The following PYGB variants were observed in gnomAD, a reference collection of about 807,000 sequenced individuals.
The protein encoded by PYGB is glycogen phosphorylase B.
A neutral mutation model predicts 94.3 loss-of-function variants in PYGB; 82 were observed. That is an observed-to-expected ratio of 0.87 (90% CI 0.73 to 1.04). The LOEUF (loss-of-function observed/expected upper bound fraction) is 1.04, where lower values mean the gene tolerates loss of function less well. Ranked by LOEUF, PYGB falls within the 50% of genes least tolerant of loss-of-function variation. The pLI is 0.00. For missense variants in PYGB, 1,132 were observed against 1,158.2 expected, an observed-to-expected ratio of 0.98 and a Z score of 0.33; for synonymous variants, 488 against 479.1, an observed-to-expected ratio of 1.02 and a Z score of -0.24.
chr20:25,264,719 G>A lies in PYGB; in HGVS notation c.346-4410G>A, dbSNP rs554864415. On this transcript the variant is annotated intron_variant, in intron 2 of 19. Transcript: ENST00000216962. ...AAATACCTAGGAATCCAACTTACAA[G>A]GGATGTGAAGGACCTCTTCAAGGAG... Among the ~76,000 whole-genome samples the A allele has an allele frequency of 9.9e-5, 15 of 152,238 alleles. No homozygotes were observed. In the South Asian group the frequency reaches 1.0e-3, roughly 11 times the overall value.
chr20:25,258,044 CG>C (rs1568683449), intron 1 of PYGB, among the ~76,000 whole-genome samples: 1 of 151,956 alleles, frequency 6.6e-6, no homozygotes, highest in African/African-American at 2.4e-5. Context: ...ATTCCTGTGA[CG>C]TAAAGGACTT....
chr20:25,279,668 T>C (rs1441059257), intron 9 of PYGB, among the ~76,000 whole-genome samples: 1 of 151,838 alleles, frequency 6.6e-6, no homozygotes, highest in Non-Finnish European at 1.5e-5. Flanking sequence ...GAGACCAGCC[T>C]GGGCAATACA....
At chr20:25,249,889 C>T (rs1369256204) in intron 1 of PYGB, among the ~76,000 whole-genome samples, 1 of 150,314 alleles carries the variant, frequency 6.7e-6, no homozygotes, top group African/African-American at 2.5e-5. Flanking sequence ...TGCCCTGTAG[C>T]GTGAAGCTAG....
rs770376445 is a variant in PYGB at position 25,292,522 on chromosome 20, G to A, written c.2086G>A (p.Ala696Thr). 1.5e-5 allele frequency: 25 copies of A among 1,613,456 alleles called. No homozygotes were observed. Among genetic ancestry groups the A allele is most frequent in the Admixed American group, 1.5e-4 (9 of 60,012 alleles). The change falls in exon 17 of 20, where the codon GCC (alanine) becomes ACC (threonine). Residue 696 changes from alanine (A) to threonine (T), a missense_variant. Ala to Thr is a moderately conservative substitution (Grantham distance 58, BLOSUM62 0). Transcript: ENST00000216962. ...GALTIGTMDG[A>T]NVEMAEEAGA... is the part of the protein sequence containing the mutation. ...CCTCACCATCGGCACCATGGACGGCGCCAACGTGGAGATGGCCGAGGAGGC... is the reference window on the plus strand; with the variant it reads ...CCTCACCATCGGCACCATGGACGGCACCAACGTGGAGATGGCCGAGGAGGC...
At chr20:25,271,261 A>G (rs2088264398) in intron 3 of PYGB, 122 bp from the exon 4 acceptor site, 18 of 864,594 alleles carry the variant, frequency 2.1e-5, no homozygotes, top group Non-Finnish European at 2.8e-5. Flanking sequence ...TTTTCCTCTC[A>G]GTGAAGCCTG....
At chr20:25,295,502 C>G in intron 18 of PYGB, 102 bp from the exon 19 acceptor site, 1 of 1,349,762 alleles carries the variant, frequency 7.4e-7, no homozygotes, top group South Asian at 1.2e-5. Context: ...CAGACAGGAC[C>G]AGGTGGATGG....
rs377025742 is a variant in PYGB at position 25,290,607 on chromosome 20, T to C, written c.1954T>C (p.Ser652Pro). The C allele has an allele frequency of 1.1e-5, 18 of 1,599,484 alleles. No homozygotes were observed. The highest frequency in any genetic ancestry group is 7.7e-6 in the Non-Finnish European group (9 of 1,167,676). The change falls in exon 16 of 20, where the codon TCC becomes CCC. Residue 652 changes from serine to proline, a missense_variant. By Grantham distance (74) the Ser-to-Pro change is moderately conservative. Transcript: ENST00000216962. ...KVIFLENYRV[S>P]LAEKVIPAAD... is the part of the protein sequence containing the mutation. ...GATCTTCCTGGAGAACTACCGTGTG[T>C]CCTTGGCTGAGAAAGGTAACCCTGG...
In PYGB at chr20:25,288,333, G is replaced by A. The variant is rs759281353; in HGVS notation, c.1769-92G>A. ...GTACATGGCGGAGCGTGCCTGTCCTGCCTCAGGGTCGGCCTCTGATGCTGC... is the reference window on the plus strand; with the variant it reads ...GTACATGGCGGAGCGTGCCTGTCCTACCTCAGGGTCGGCCTCTGATGCTGC... On this transcript the variant is annotated intron_variant, in intron 14 of 19. Transcript: ENST00000216962. 2.1e-6 allele frequency: 3 copies of A among 1,403,074 alleles called. No individual in the cohort carries two copies. In the Admixed American group the frequency reaches 5.0e-5, roughly 23 times the overall value. The allele number at this position is 1,403,074 out of a possible 1,614,324, so 86.9% of individuals were successfully genotyped here.
chr20:25,266,892 T>C (rs1299808769), intron 2 of PYGB, among the ~76,000 whole-genome samples: 1 of 152,226 alleles, frequency 6.6e-6, no homozygotes, highest in Non-Finnish European at 1.5e-5. Context: ...TTGGTGTGAC[T>C]GTCAAATCTT....
intron 19 of PYGB, 69 bp from the exon 20 acceptor site, chr20:25,296,301 G>A: frequency 2.5e-6 from 4 of 1,574,904 alleles, no homozygotes; most frequent in South Asian, 1.1e-5. Context: ...CTAAAGTTCT[G>A]GAATCCCATG....
chr20:25,265,485 A>G (rs1390356160), intron 2 of PYGB, among the ~76,000 whole-genome samples: 5 of 152,098 alleles, frequency 3.3e-5, no homozygotes, highest in Non-Finnish European at 7.3e-5. Flanking sequence ...AATGATGCTG[A>G]GCATCTTTTC....
chr20:25,281,033 A>G lies in PYGB; in HGVS notation c.1324A>G (p.Met442Val), dbSNP rs201302824. 1.1e-5 allele frequency: 18 copies of G among 1,614,094 alleles called. No homozygotes were observed. The South Asian group carries it at 1.5e-4, about 14-fold the overall frequency. ...IEEGDCKRIN[M>V]AHLCVIGSHA... is the part of the protein sequence containing the mutation. ...GGAGGGGGACTGCAAGCGGATCAAC[A>G]TGGCCCACCTGTGTGTGATTGGGTC... The change falls in exon 11 of 20, where the codon ATG (methionine) becomes GTG (valine). Residue 442 changes from methionine to valine, a missense_variant. Transcript: ENST00000216962.
At position 25,273,293 on chromosome 20, in the gene PYGB, A is replaced by T. The variant is rs867486375; in HGVS notation, c.529-1299A>T. ...CCAGGCCCTGGTGTTGGGGAATCTCACAGCGGACAAGGAGACGCCACCAGA... is the reference window on the plus strand; with the variant it reads ...CCAGGCCCTGGTGTTGGGGAATCTCTCAGCGGACAAGGAGACGCCACCAGA... On this transcript the variant is annotated intron_variant, in intron 4 of 19. Transcript: ENST00000216962. Among the ~76,000 whole-genome samples the T allele has an allele frequency of 5.9e-5, 9 of 152,254 alleles. 1 individual carries two copies. The Middle Eastern group carries it at 0.024, about 403-fold the overall frequency.
chr20:25,265,875 G>A (rs769562204), intron 2 of PYGB, among the ~76,000 whole-genome samples: 13 of 152,138 alleles, frequency 8.5e-5, no homozygotes, highest in African/African-American at 2.9e-4. Flanking sequence ...GATTACAGGC[G>A]TGAGCCACCA....
In PYGB at chr20:25,290,482, CA is replaced by C. The variant is rs759631171; in HGVS notation, c.1830del (p.Ala611ArgfsTer9). The C allele has an allele frequency of 1.2e-6, 2 of 1,603,846 alleles. No homozygotes were observed. Among genetic ancestry groups the C allele is most frequent in the African/African-American group, 2.7e-5 (2 of 74,816 alleles). ...AAAACCTTCACCCTCTCCTTCCAGG[CA>C]GCGCCCGGTTACCACATGGCCAAGC... ...VPRTVMIGGK[A>X]APGYHMAKLI... On this transcript the variant is annotated frameshift_variant and splice_region_variant, in exon 16 of 20. Coordinates refer to ENST00000216962, the MANE Select transcript of PYGB (RefSeq NM_002862.4). LOFTEE classifies it high-confidence loss of function.
intron 7 of PYGB, among the ~76,000 whole-genome samples, chr20:25,277,873 A>G (rs1273163798): frequency 6.6e-6 from 1 of 152,260 alleles, no homozygotes; most frequent in Admixed American, 6.5e-5. Flanking sequence ...TTGCCTGACA[A>G]GTCCTTAGAA....
Position 25,297,691 on chromosome 20 carries a change from G to T in PYGB, c.*1169G>T. The stretch of plus-strand genomic sequence containing the variant: ...GGAACAGGCTACTGTCCTTCCCTGT[G>T]GAATTGCCGAGAAATCTAGCACCTT... On this transcript the variant is annotated 3_prime_UTR_variant, in exon 20 of 20. Transcript: ENST00000216962. 6.6e-6 allele frequency: 1 copy of T among 152,398 alleles called. No individual in the cohort carries two copies. Among genetic ancestry groups the T allele is most frequent in the Non-Finnish European group, 1.5e-5 (1 of 68,072 alleles). 9.4% of individuals were successfully genotyped at this position (152,398 alleles called of 1,614,324 possible). A position where few individuals can be genotyped will look rare whatever the true frequency, so the allele number is the denominator to read the frequency against.
In PYGB at chr20:25,280,982, C is replaced by T. The variant is rs771010540; in HGVS notation, c.1273C>T (p.Arg425Cys). The change falls in exon 11 of 20, where the codon CGC becomes TGC. Residue 425 changes from arginine (R) to cysteine (C), a missense_variant. By Grantham distance (180) the Arg-to-Cys change is radical (BLOSUM62 -3). Transcript: ENST00000216962. ...VAALFPGDVD[R>C]LRRMSVIEEG... Reference sequence around the variant, plus strand: ...CGCGCTGTTTCCCGGCGATGTGGACCGCCTGCGCAGGATGTCTGTGATCGA... The same window carrying T: ...CGCGCTGTTTCCCGGCGATGTGGACTGCCTGCGCAGGATGTCTGTGATCGA... 34 of 1,613,974 alleles carry T rather than the reference C, an allele frequency of 2.1e-5. No individual in the cohort carries two copies. The highest frequency in any genetic ancestry group is 1.2e-4 in the Admixed American group (7 of 60,000).
intron 1 of PYGB, among the ~76,000 whole-genome samples, chr20:25,257,936 C>T (rs1418458965): frequency 6.6e-6 from 1 of 152,112 alleles, no homozygotes; most frequent in African/African-American, 2.4e-5. Flanking sequence ...TAAATAAAAT[C>T]CAGCATGATG....
Sources: allele counts gnomAD v4.1 joint callset (sites outside exome capture counted in the v4.1 genomes callset), GRCh38; gene constraint gnomAD v4.1.1; transcripts MANE v1.5; gene names NCBI Gene and HGNC (gene_info 2026-07-23, HGNC 2026-07-21).